The following GAD1 variants were observed in gnomAD, a reference collection of about 807,000 sequenced individuals.
The protein encoded by GAD1 is glutamate decarboxylase 1.
A neutral mutation model predicts 75.2 loss-of-function variants in GAD1; 35 were observed. The ratio of observed to expected loss-of-function variants is 0.47; its 90% CI spans 0.36 to 0.62. The LOEUF is 0.62. Among genes scored for constraint, GAD1 ranks in the 20% least tolerant of loss-of-function variants. GAD1 has a pLI of 0.00. For missense variants in GAD1, 490 were observed against 758.5 expected (o/e 0.65, Z 4.16); for synonymous variants, 257 against 271.9 (o/e 0.95, Z 0.54).
intron 15 of GAD1, among the ~76,000 whole-genome samples, chr2:170,858,324 T>A (rs1702896220): frequency 6.6e-6 from 1 of 152,182 alleles, no homozygotes; most frequent in African/African-American, 2.4e-5. Flanking sequence ...GTCTTTTGGT[T>A]TTTTTTAGGA....
chr2:170,822,023 T>C, intron 2 of GAD1, 64 bp from the exon 3 acceptor site: 1 of 1,333,074 alleles, frequency 7.5e-7, no homozygotes, highest in Non-Finnish European at 1.1e-6. Context: ...ACCATTGTCC[T>C]CCACCCATTT....
intron 6 of GAD1, among the ~76,000 whole-genome samples, chr2:170,839,255 C>G (rs1575437778): frequency 6.6e-6 from 1 of 152,200 alleles, no homozygotes; most frequent in East Asian, 1.9e-4. Context: ...CAGTCATAGC[C>G]TCTTAAAAAG....
chr2:170,849,374 C>T (rs758759346), intron 12 of GAD1, 24 bp downstream of exon 12: 1 of 1,610,074 alleles, frequency 6.2e-7, no homozygotes, highest in South Asian at 1.1e-5. Context: ...CTCGCCAGGC[C>T]TCCTTCCACC....
At chr2:170,857,167 A>G (rs1702870199) in intron 15 of GAD1, 42 bp downstream of exon 15, 1 of 1,501,144 alleles carries the variant, frequency 6.7e-7, no homozygotes, top group Non-Finnish European at 9.3e-7. Flanking sequence ...ATTTCCAGAA[A>G]AACTGCTGAG....
At chr2:170,813,577 C>T (rs972687813), upstream of GAD1, among the ~76,000 whole-genome samples, 100 of 152,322 alleles carry the variant, frequency 6.6e-4, no homozygotes, top group African/African-American at 2.3e-3. Context: ...TTGACGTGTC[C>T]TGTCTACTCA....
In GAD1 at chr2:170,818,223, AC is replaced by A. The variant is rs1468500605; in HGVS notation, c.-63-301del. 1.6e-5 allele frequency: 5 copies of A among 318,750 alleles called. No individual in the cohort carries two copies. Among genetic ancestry groups the A allele is most frequent in the Non-Finnish European group, 2.4e-5 (4 of 165,432 alleles). The allele number at this position is 318,750 out of a possible 1,614,324, so 19.7% of individuals were successfully genotyped here. On this transcript the variant is annotated intron_variant, in intron 1 of 16. Coordinates refer to ENST00000358196, the MANE Select transcript of GAD1 (RefSeq NM_000817.3). This position sits in a 1 kb window ranked among gnomAD's most constrained non-coding sequence, Gnocchi z 5.9. The stretch of plus-strand genomic sequence containing the variant: ...CCCTTGCGTCTTGTACTGGCCTTGG[AC>A]CCCCACCCCGACCCCGACCCCGCCT...
intron 3 of GAD1, among the ~76,000 whole-genome samples, chr2:170,827,956 C>T (rs565199672): frequency 2.0e-5 from 3 of 152,226 alleles, no homozygotes; most frequent in South Asian, 4.1e-4. Flanking sequence ...ATACCACTTA[C>T]GTTCAACCCT....
chr2:170,845,665 G>A lies in GAD1; in HGVS notation c.868-41G>A, dbSNP rs75821413. 1.0e-3 allele frequency: 1,641 copies of A among 1,612,850 alleles called. 16 individuals carry two copies. In the African/African-American group the frequency reaches 0.019, roughly 18 times the overall value. On this transcript the variant is annotated intron_variant, in intron 8 of 16. Coordinates refer to ENST00000358196, the MANE Select transcript of GAD1 (RefSeq NM_000817.3). ...CTCATGGATAGTGGTGTTTTTTAGG[G>A]GACTTTCCAACTTCTAACCTCGAGC...
chr2:170,833,659 T>A (rs1702296799), intron 5 of GAD1, among the ~76,000 whole-genome samples: 2 of 152,212 alleles, frequency 1.3e-5, no homozygotes, highest in Non-Finnish European at 1.5e-5. Flanking sequence ...AAATACATGA[T>A]TTTGTCATAA....
At chr2:170,814,627 G>A (rs764351308), upstream of GAD1, among the ~76,000 whole-genome samples, 1 of 152,026 alleles carries the variant, frequency 6.6e-6, no homozygotes, top group Non-Finnish European at 1.5e-5. Flanking sequence ...ACATAGTAGG[G>A]GATTAATAAA....
At chr2:170,826,923 C>G (rs1241987256) in intron 3 of GAD1, among the ~76,000 whole-genome samples, 1 of 152,152 alleles carries the variant, frequency 6.6e-6, no homozygotes, top group African/African-American at 2.4e-5. Flanking sequence ...GCTCCTGGCT[C>G]TGGACTTTGA....
chr2:170,835,565 T>G (rs1398666974), intron 5 of GAD1, among the ~76,000 whole-genome samples: 1 of 152,252 alleles, frequency 6.6e-6, no homozygotes, highest in Non-Finnish European at 1.5e-5. Context: ...CTTTGTGTCC[T>G]TTATATTTTA....
rs183956501 is a variant in GAD1, at chr2:170,852,692, A to G, written c.1185-22A>G. On this transcript the variant is annotated intron_variant, in intron 12 of 16. Coordinates refer to ENST00000358196, the MANE Select transcript of GAD1 (RefSeq NM_000817.3). ...TCTTTCCAACTCCTGCACCTTCTCG[A>G]AGTCTCATGTGCTTCTTTCAGGGCC... 14 of 1,610,294 alleles carry G rather than the reference A, an allele frequency of 8.7e-6. No homozygotes were observed. The African/African-American group carries it at 1.7e-4, about 20-fold the overall frequency.
chr2:170,849,404 T>C (rs1243382758), intron 12 of GAD1, 54 bp downstream of exon 12: 4 of 1,514,232 alleles, frequency 2.6e-6, no homozygotes, highest in Non-Finnish European at 3.7e-6. Flanking sequence ...AAACAGACCA[T>C]GCTCTGATGT....
intron 14 of GAD1, 50 bp from the exon 15 acceptor site, chr2:170,856,968 C>A: frequency 7.0e-7 from 1 of 1,430,994 alleles, no homozygotes; most frequent in Non-Finnish European, 9.9e-7. Context: ...TTCCCAAATG[C>A]TCATCACAGG....
chr2:170,822,190 G>A (rs1328250362), intron 3 of GAD1, 41 bp downstream of exon 3: 1 of 1,567,286 alleles, frequency 6.4e-7, no homozygotes, highest in South Asian at 1.1e-5. Context: ...GGGTGGCGCG[G>A]CGGGCGGACC....
intron 3 of GAD1, among the ~76,000 whole-genome samples, chr2:170,825,424 C>T (rs1702000355): frequency 6.6e-6 from 1 of 152,130 alleles, no homozygotes; most frequent in African/African-American, 2.4e-5. Flanking sequence ...AAAAAGAGCC[C>T]CTCCGTCTAT....
At chr2:170,821,853 C>G (rs1701890158) in intron 2 of GAD1, 1 of 549,986 alleles carries the variant, frequency 1.8e-6, no homozygotes, top group Admixed American at 3.1e-5. Context: ...TGCCCCGCCT[C>G]TCAGAGACAC....
intron 5 of GAD1, among the ~76,000 whole-genome samples, chr2:170,832,025 A>G (rs1053328163): frequency 3.3e-5 from 5 of 151,852 alleles, no homozygotes; most frequent in Admixed American, 6.6e-5. Context: ...GAGCAGAATG[A>G]CCCATCCTCT....
Sources: gnomAD v4.1 joint callset for allele counts (sites outside exome capture counted in the v4.1 genomes callset) on GRCh38, gnomAD v4.1.1 for gene constraint, Gnocchi (gnomAD v3.1) non-coding constraint, MANE v1.5 for transcripts, NCBI Gene and HGNC (gene_info 2026-07-23, HGNC 2026-07-21) for gene names.